The following LRIF1 variants were observed in gnomAD, a reference collection of about 807,000 sequenced individuals.
LRIF1 encodes ligand-dependent nuclear receptor-interacting factor 1.
In LRIF1, 32 loss-of-function variants were observed where a neutral mutation model predicts 52.7. That is an observed-to-expected ratio of 0.61 (90% confidence interval 0.46 to 0.82). LRIF1 has a LOEUF of 0.82. Ranked by LOEUF, LRIF1 falls within the 40% of genes least tolerant of loss-of-function variation. The probability of loss-of-function intolerance (pLI) is 0.00; values close to 1 mark genes in which losing one functional copy is unlikely to be tolerated. For missense variants in LRIF1, 887 were observed against 892.0 expected (o/e 0.99, Z 0.07); for synonymous variants, 323 against 317.4 (o/e 1.02, Z -0.19).
intron 1 of LRIF1, among the ~76,000 whole-genome samples, chr1:110,953,955 T>A (rs1455335299): frequency 6.6e-6 from 1 of 152,206 alleles, no homozygotes; most frequent in East Asian, 1.9e-4. Flanking sequence ...ATTAATATGT[T>A]TGTCTATAGA....
the LRIF1 span, chr1:110,899,271 A>G: frequency 3.9e-6 from 4 of 1,019,958 alleles, no homozygotes; most frequent in African/African-American, 3.1e-5. Context: ...GAAGCCCTAC[A>G]TGATCACTGC....
At chr1:110,902,326 A>G in the LRIF1 span, among the ~76,000 whole-genome samples, 1 of 152,138 alleles carries the variant, frequency 6.6e-6, no homozygotes, top group Non-Finnish European at 1.5e-5. Flanking sequence ...TTACTCACCA[A>G]AATAATACAG....
At chr1:110,922,762 G>A in the LRIF1 span, among the ~76,000 whole-genome samples, 1 of 152,218 alleles carries the variant, frequency 6.6e-6, no homozygotes, top group South Asian at 2.1e-4. Flanking sequence ...TGCCCAGAAT[G>A]AGTTTTAAAA....
At chr1:110,889,474 C>T in the LRIF1 span, among the ~76,000 whole-genome samples, 4 of 152,066 alleles carry the variant, frequency 2.6e-5, no homozygotes, top group Non-Finnish European at 5.9e-5. Context: ...AGGAGAATGG[C>T]TTGAATCTGG....
the LRIF1 span, among the ~76,000 whole-genome samples, chr1:110,906,419 C>A: frequency 6.6e-6 from 1 of 152,068 alleles, no homozygotes; most frequent in African/African-American, 2.4e-5. Flanking sequence ...TGGCTCATGC[C>A]TGTAGTCCCA....
At chr1:110,909,674 G>A in the LRIF1 span, among the ~76,000 whole-genome samples, 1 of 140,754 alleles carries the variant, frequency 7.1e-6, no homozygotes, top group South Asian at 2.4e-4. Context: ...TCTGCCTCCC[G>A]AGTTCCAGTG....
the LRIF1 span, chr1:110,937,725 G>A: frequency 6.6e-6 from 1 of 151,948 alleles, no homozygotes; most frequent in African/African-American, 2.4e-5. Flanking sequence ...AAATAATAAA[G>A]AGCAGAAATA....
chr1:110,895,739 C>T, the LRIF1 span, among the ~76,000 whole-genome samples: 1 of 152,088 alleles, frequency 6.6e-6, no homozygotes, highest in East Asian at 1.9e-4. Flanking sequence ...CTTTTTATTA[C>T]ATAATTTTTA....
intron 2 of LRIF1, 146 bp from the exon 3 acceptor site, chr1:110,950,269 A>C: frequency 4.4e-6 from 4 of 904,440 alleles, no homozygotes; most frequent in Non-Finnish European, 6.4e-6. Flanking sequence ...TACCACCCAC[A>C]CTCAAAAAAC....
chr1:110,895,972 A>G, the LRIF1 span, among the ~76,000 whole-genome samples: 1 of 152,196 alleles, frequency 6.6e-6, no homozygotes, highest in African/African-American at 2.4e-5. Context: ...TCTATAATTA[A>G]ATTTCCCTAA....
At chr1:110,944,046 T>G (rs1267124977), downstream of LRIF1, 1 of 152,182 alleles carries the variant, frequency 6.6e-6, no homozygotes, top group East Asian at 1.9e-4. Context: ...TTTAAAAGGA[T>G]CACTCTGACT....
At chr1:110,898,379 G>GAA in the LRIF1 span, among the ~76,000 whole-genome samples, 49,037 of 115,244 alleles carry the variant, frequency 0.43, 11,486 homozygotes, top group Admixed American at 0.54. Context: ...TCTGTCTCCA[G>GAA]AAAAAAAAAA....
downstream of LRIF1, among the ~76,000 whole-genome samples, chr1:110,946,409 A>C (rs1266369509): frequency 6.6e-6 from 1 of 152,188 alleles, no homozygotes; most frequent in Non-Finnish European, 1.5e-5. Context: ...AAATGTTCTA[A>C]AATTATAGTG....
At chr1:110,875,386 G>C in the LRIF1 span, among the ~76,000 whole-genome samples, 1 of 152,172 alleles carries the variant, frequency 6.6e-6, no homozygotes, top group Non-Finnish European at 1.5e-5. Flanking sequence ...AGAATTGATG[G>C]GATGTGGGTT....
the LRIF1 span, among the ~76,000 whole-genome samples, chr1:110,912,644 A>C: frequency 0.54 from 81,635 of 152,024 alleles, 22,557 homozygotes; most frequent in East Asian, 0.69. Flanking sequence ...ATTTCTACAA[A>C]AAGAATTACA....
the LRIF1 span, among the ~76,000 whole-genome samples, chr1:110,900,223 C>T: frequency 6.6e-5 from 10 of 152,308 alleles, no homozygotes; most frequent in African/African-American, 1.9e-4. Flanking sequence ...TCTCTCACAT[C>T]GCTGTTGGCA....
chr1:110,892,587 C>T, the LRIF1 span: 1 of 1,392,754 alleles, frequency 7.2e-7, no homozygotes, highest in African/African-American at 1.4e-5. Context: ...GTGCCTAAAT[C>T]CCAGGCAAGA....
At chr1:110,901,828 A>G in the LRIF1 span, among the ~76,000 whole-genome samples, 6 of 152,334 alleles carry the variant, frequency 3.9e-5, no homozygotes, top group South Asian at 1.2e-3. Context: ...TTAAACATGC[A>G]CAAAATGAAA....
In LRIF1 at chr1:110,950,035, A is replaced by G; in HGVS notation, c.1685T>C (p.Leu562Ser). The G allele has an allele frequency of 6.2e-7, 1 of 1,614,076 alleles. No homozygotes were observed. Among genetic ancestry groups the G allele is most frequent in the Non-Finnish European group, 8.5e-7 (1 of 1,179,946 alleles). The change falls in exon 3 of 4, where the codon TTA (leucine) becomes TCA (serine). Residue 562 changes from leucine to serine, a missense_variant. Coordinates refer to ENST00000369763, the MANE Select transcript of LRIF1 (RefSeq NM_018372.4). The stretch of plus-strand genomic sequence containing the variant: ...AAATTCAGCATCACTCTTCAGATGT[A>G]ATGCCTTATTACTTCTTCCTTGAGA... Reference protein sequence around the residue: ...KDSQGRSNKALHLKSDAEFKK... With the variant: ...KDSQGRSNKASHLKSDAEFKK...
Sources: allele counts gnomAD v4.1 joint callset (sites outside exome capture counted in the v4.1 genomes callset), GRCh38; gene constraint gnomAD v4.1.1; transcripts MANE v1.5; gene names NCBI Gene and HGNC (gene_info 2026-07-23, HGNC 2026-07-21).